Variants in DYNC2H1 observed in about 807,000 individuals in gnomAD.
The protein encoded by DYNC2H1 is cytoplasmic dynein 2 heavy chain 1.
DYNC2H1 carries 410 observed loss-of-function variants against 570.0 expected under a neutral mutation model. The observed-to-expected ratio is 0.72, with a 90% confidence interval of 0.66 to 0.78. DYNC2H1 has a LOEUF of 0.78. DYNC2H1 is among the 30% of genes least tolerant of loss of function. The pLI is 0.00. For synonymous variants in DYNC2H1, 1,688 were observed against 1,677.6 expected, an observed-to-expected ratio of 1.01 and a Z score of -0.15; for missense variants, 4,865 against 5,046.4, an observed-to-expected ratio of 0.96 and a Z score of 1.09.
chr11:103,336,117 A>G (rs973228699), intron 82 of DYNC2H1, among the ~76,000 whole-genome samples: 1 of 152,198 alleles, frequency 6.6e-6, no homozygotes, highest in East Asian at 1.9e-4. Context: ...CTTGCTAGGC[A>G]AAAGTAATTG....
At chr11:103,148,659 G>T (rs1333964241) in intron 20 of DYNC2H1, 42 bp downstream of exon 20, 4 of 1,527,344 alleles carry the variant, frequency 2.6e-6, no homozygotes, top group Non-Finnish European at 3.5e-6. Context: ...ACTTTTTACT[G>T]CATGGAAAAT....
chr11:103,457,935 C>T (rs182000347), intron 87 of DYNC2H1, among the ~76,000 whole-genome samples: 6 of 152,038 alleles, frequency 3.9e-5, no homozygotes, highest in East Asian at 1.9e-4. Flanking sequence ...AACATAAACA[C>T]GAGATGTGTA....
rs1019486427 is a variant in DYNC2H1, at chr11:103,364,599, G to T, written c.12156+6240G>T. ...CTCTGGTTCGTATTTAAATCTTGTTGTTTTTTTTTTTTTTTAAGCAGGTAG... is the reference window on the plus strand; with the variant it reads ...CTCTGGTTCGTATTTAAATCTTGTTTTTTTTTTTTTTTTTTAAGCAGGTAG... On this transcript the variant is annotated intron_variant, in intron 83 of 88. Coordinates refer to ENST00000375735, the MANE Select transcript of DYNC2H1 (RefSeq NM_001377.3). Among the ~76,000 whole-genome samples, 726 of 130,068 alleles carry T rather than the reference G, an allele frequency of 5.6e-3. 9 individuals are homozygous for T. Among genetic ancestry groups the T allele is most frequent in the African/African-American group, 0.017 (617 of 36,518 alleles). 85.3% of individuals were successfully genotyped at this position (130,068 alleles called of 152,430 possible).
chr11:103,115,804 A>C (rs1858359983), intron 4 of DYNC2H1, among the ~76,000 whole-genome samples: 1 of 151,930 alleles, frequency 6.6e-6, no homozygotes. Flanking sequence ...AACAAAAAAC[A>C]AAAAAAACCC....
At chr11:103,357,811 A>G (rs909671856) in intron 82 of DYNC2H1, among the ~76,000 whole-genome samples, 3 of 151,824 alleles carry the variant, frequency 2.0e-5, no homozygotes, top group Non-Finnish European at 2.9e-5. Context: ...TTAGCTGGGC[A>G]TGGTGGGACA....
intron 70 of DYNC2H1, among the ~76,000 whole-genome samples, chr11:103,263,131 G>C (rs1324531540): frequency 6.6e-6 from 1 of 151,638 alleles, no homozygotes; most frequent in Non-Finnish European, 1.5e-5. Context: ...ATATGGTAAA[G>C]GGATCAATGC....
At chr11:103,421,446 AT>A (rs1383920193) in intron 84 of DYNC2H1, among the ~76,000 whole-genome samples, 1 of 152,088 alleles carries the variant, frequency 6.6e-6, no homozygotes, top group Admixed American at 6.6e-5. Context: ...TGATCACATA[AT>A]TAATTGAAAT....
chr11:103,410,052 G>A (rs1280758820), intron 84 of DYNC2H1, among the ~76,000 whole-genome samples: 2 of 152,078 alleles, frequency 1.3e-5, no homozygotes, highest in African/African-American at 2.4e-5. Context: ...ATCAGGTCAT[G>A]ATGAAATCTT....
chr11:103,221,594 G>C (rs1565407199), intron 57 of DYNC2H1, among the ~76,000 whole-genome samples: 1 of 152,154 alleles, frequency 6.6e-6, no homozygotes, highest in Non-Finnish European at 1.5e-5. Context: ...CGATAATACA[G>C]CTGGGCACAC....
Position 103,148,587 on chromosome 11 carries a change from A to G in DYNC2H1, c.2916A>G (p.Gln972=), listed in dbSNP as rs1300769362. The change falls in exon 20 of 89, where the codon CAA becomes CAG. Residue 972 remains glutamine, a synonymous_variant. Transcript: ENST00000375735. ...SVEEIGDANL[Q]YSKLQERKPE... ...AAGAAATTGGTGATGCAAATCTACA[A>G]TATAGTAAGTTACAAGAACGGAAGC... is the stretch of plus-strand genomic sequence containing the variant. 2 of 1,569,918 alleles carry G rather than the reference A, an allele frequency of 1.3e-6. No homozygotes were observed. Among genetic ancestry groups the G allele is most frequent in the African/African-American group, 2.7e-5 (2 of 73,844 alleles).
intron 83 of DYNC2H1, among the ~76,000 whole-genome samples, chr11:103,392,286 G>A (rs926459271): frequency 2.6e-5 from 4 of 152,234 alleles, no homozygotes; most frequent in African/African-American, 9.6e-5. Flanking sequence ...ATGGGCATAG[G>A]ACCCTCCAAG....
intron 83 of DYNC2H1, among the ~76,000 whole-genome samples, chr11:103,376,402 A>G (rs1488537705): frequency 6.6e-6 from 1 of 152,164 alleles, no homozygotes; most frequent in Non-Finnish European, 1.5e-5. Flanking sequence ...CTTCTTGTTT[A>G]AATCTGGTTT....
chr11:103,312,683 A>C (rs1591561756), intron 79 of DYNC2H1, among the ~76,000 whole-genome samples: 1 of 151,754 alleles, frequency 6.6e-6, no homozygotes, highest in African/African-American at 2.4e-5. Flanking sequence ...TCTAGACTGT[A>C]TATAGCTAAC....
chr11:103,455,317 A>G (rs200797091), intron 86 of DYNC2H1, 22 bp downstream of exon 86: 303 of 1,598,682 alleles, frequency 1.9e-4, no homozygotes, highest in Non-Finnish European at 2.5e-4. Flanking sequence ...GAAATACTTT[A>G]CCTATTTGTC....
At chr11:103,253,900 G>T (rs907443699) in intron 66 of DYNC2H1, among the ~76,000 whole-genome samples, 1 of 151,822 alleles carries the variant, frequency 6.6e-6, no homozygotes, top group African/African-American at 2.4e-5. Flanking sequence ...ATCTTCATAT[G>T]GCTCATTACA....
At chr11:103,473,241 G>A (rs911799962) in intron 88 of DYNC2H1, among the ~76,000 whole-genome samples, 3 of 150,202 alleles carry the variant, frequency 2.0e-5, no homozygotes, top group Non-Finnish European at 4.4e-5. Context: ...TATGTACTAA[G>A]ATAATATAAC....
At chr11:103,335,337 A>G (rs896612502) in intron 82 of DYNC2H1, among the ~76,000 whole-genome samples, 9 of 152,078 alleles carry the variant, frequency 5.9e-5, no homozygotes, top group Admixed American at 5.9e-4. Context: ...GTTTTTACAT[A>G]ACAGAGCTGC....
rs539914726 is a variant in DYNC2H1 at position 103,393,990 on chromosome 11, C to A, written c.12157-5673C>A. On this transcript the variant is annotated intron_variant, in intron 83 of 88. Coordinates refer to ENST00000375735, the MANE Select transcript of DYNC2H1 (RefSeq NM_001377.3). ...CAATTACCTCCCACTGGGTCCCTCC[C>A]ACAACATATGGGAATTCAAGATGAG... is the stretch of plus-strand genomic sequence containing the variant. Among the ~76,000 whole-genome samples the A allele has an allele frequency of 2.6e-5, 4 of 152,232 alleles. No homozygotes were observed. The South Asian group carries it at 8.3e-4, about 32-fold the overall frequency.
rs776193744 is a variant in DYNC2H1 at position 103,173,216 on chromosome 11, G to A, written c.5469G>A (p.Glu1823=). The part of the protein sequence containing the change: ...RPVAMSHPDN[E]LIAEVILYSE... ...TAGCTATGTCTCATCCAGACAATGA[G>A]CTTATTGCAGAAGTTATTCTCTATT... is the stretch of plus-strand genomic sequence containing the variant. Residue 1823 remains glutamate, a synonymous_variant, in exon 35 of 89, where the codon GAG becomes GAA. Transcript: ENST00000375735. 1.3e-5 allele frequency: 21 copies of A among 1,602,278 alleles called. No homozygotes were observed. In the East Asian group the frequency reaches 4.8e-4, roughly 37 times the overall value.
Sources: gnomAD v4.1 joint callset for allele counts (sites outside exome capture counted in the v4.1 genomes callset) on GRCh38, gnomAD v4.1.1 for gene constraint, MANE v1.5 for transcripts, NCBI Gene and HGNC (gene_info 2026-07-23, HGNC 2026-07-21) for gene names.